The following ADGRB3 variants were observed in gnomAD, a reference collection of about 807,000 sequenced individuals.
ADGRB3 encodes brain-specific angiogenesis inhibitor 3.
A neutral mutation model predicts 193.4 loss-of-function variants in ADGRB3; 37 were observed. The ratio of observed to expected loss-of-function variants is 0.19; its 90% CI spans 0.15 to 0.25. The LOEUF (loss-of-function observed/expected upper bound fraction) is 0.25. ADGRB3 is among the 10% of genes least tolerant of loss of function. The pLI, the probability that ADGRB3 is intolerant of heterozygous loss-of-function variation, is 1.00. For missense variants in ADGRB3, 1,637 were observed against 1,852.9 expected (o/e 0.88, Z 2.14); for synonymous variants, 690 against 644.2 (o/e 1.07, Z -1.08).
chr6:68,809,595 A>C (rs566237730), intron 3 of ADGRB3, among the ~76,000 whole-genome samples: 51 of 152,210 alleles, frequency 3.4e-4, no homozygotes, highest in Non-Finnish European at 6.8e-4. Context: ...TAGTTTAAAT[A>C]AGATTTTTGT....
intron 17 of ADGRB3, among the ~76,000 whole-genome samples, chr6:69,105,626 C>A (rs1343708802): frequency 6.6e-6 from 1 of 152,146 alleles, no homozygotes; most frequent in Non-Finnish European, 1.5e-5. Context: ...CTTCTCAATA[C>A]TATTGCTTCA....
At chr6:68,739,477 G>A (rs191833576) in intron 3 of ADGRB3, among the ~76,000 whole-genome samples, 18 of 152,238 alleles carry the variant, frequency 1.2e-4, no homozygotes, top group Admixed American at 4.6e-4. Context: ...GGGGCCTGAT[G>A]CACAATTGGA....
chr6:68,719,669 C>T lies in ADGRB3; in HGVS notation c.757+80237C>T, dbSNP rs1356275688. Among the ~76,000 whole-genome samples the T allele has an allele frequency of 2.6e-5, 4 of 151,800 alleles. No homozygotes were observed. The East Asian group carries it at 7.8e-4, about 30-fold the overall frequency. The stretch of plus-strand genomic sequence containing the variant: ...GTTCCAAAAATTAGAAAAGCTCTTA[C>T]AGATACAATTTCTCTTCTCCTATTT... On this transcript the variant is annotated intron_variant, in intron 3 of 31. Transcript: ENST00000370598.
intron 12 of ADGRB3, among the ~76,000 whole-genome samples, chr6:69,015,247 A>T (rs1256779171): frequency 6.6e-6 from 1 of 152,022 alleles, no homozygotes; most frequent in Non-Finnish European, 1.5e-5. Flanking sequence ...CTAAAACAAG[A>T]CTGCAATTTA....
chr6:68,835,393 G>A (rs895771132), intron 3 of ADGRB3, among the ~76,000 whole-genome samples: 11 of 152,042 alleles, frequency 7.2e-5, no homozygotes, highest in Non-Finnish European at 1.3e-4. Context: ...TGCAAATGAT[G>A]TGTGCTGCTT....
intron 3 of ADGRB3, among the ~76,000 whole-genome samples, chr6:68,688,111 C>T (rs1317478902): frequency 6.6e-6 from 1 of 152,136 alleles, no homozygotes; most frequent in Non-Finnish European, 1.5e-5. Context: ...TACATCCAGG[C>T]ACTGTTTATA....
intron 3 of ADGRB3, among the ~76,000 whole-genome samples, chr6:68,899,260 C>A (rs1562077499): frequency 2.0e-5 from 3 of 152,080 alleles, no homozygotes; most frequent in Non-Finnish European, 2.9e-5. Context: ...GTTTTGACAG[C>A]TAGAACTATT....
At chr6:68,873,896 A>T (rs572605612) in intron 3 of ADGRB3, among the ~76,000 whole-genome samples, 1 of 152,098 alleles carries the variant, frequency 6.6e-6, no homozygotes, top group Admixed American at 6.5e-5. Flanking sequence ...TTTATAAAAA[A>T]ATTAGCATAT....
intron 3 of ADGRB3, among the ~76,000 whole-genome samples, chr6:68,708,784 CTGAAAA>C (rs1765365583): frequency 6.6e-6 from 1 of 152,048 alleles, no homozygotes; most frequent in Non-Finnish European, 1.5e-5. Flanking sequence ...AATAGTTTTA[CTGAAAA>C]TTAAGTGAAT....
chr6:68,847,577 T>C (rs192204773), intron 3 of ADGRB3, among the ~76,000 whole-genome samples: 2 of 152,288 alleles, frequency 1.3e-5, no homozygotes, highest in Admixed American at 6.5e-5. Flanking sequence ...CTTTTGCTTC[T>C]TCCTCTTTCT....
intron 3 of ADGRB3, among the ~76,000 whole-genome samples, chr6:68,796,856 A>G (rs970301727): frequency 1.3e-5 from 2 of 152,180 alleles, no homozygotes; most frequent in Non-Finnish European, 2.9e-5. Flanking sequence ...GAAAAAGACT[A>G]AAAGACTCAG....
chr6:68,844,634 G>T (rs9346252), intron 3 of ADGRB3, among the ~76,000 whole-genome samples: 32,646 of 151,984 alleles, frequency 0.21, 4,056 homozygotes, highest in East Asian at 0.58. Context: ...ATACCCAAAA[G>T]TAATCAGGAT....
At chr6:69,342,239 T>G (rs920389763) in intron 26 of ADGRB3, among the ~76,000 whole-genome samples, 2 of 152,176 alleles carry the variant, frequency 1.3e-5, no homozygotes, top group Non-Finnish European at 1.5e-5. Context: ...TCTCTGTTGT[T>G]GCATTTTCAA....
Position 68,639,509 on chromosome 6 carries a change from A to T in ADGRB3, c.757+77A>T. On this transcript the variant is annotated intron_variant, in intron 3 of 31. Coordinates refer to ENST00000370598, the MANE Select transcript of ADGRB3 (RefSeq NM_001704.3). Reference sequence around the variant, plus strand: ...GAGTTAAAACGTGCTGTTTCAACACACAGGCCTAATTATTTATCCTTTATT... The same window carrying T: ...GAGTTAAAACGTGCTGTTTCAACACTCAGGCCTAATTATTTATCCTTTATT... 3.5e-6 allele frequency: 5 copies of T among 1,415,248 alleles called. No individual in the cohort carries two copies. The East Asian group carries it at 1.2e-4, about 35-fold the overall frequency. The allele number at this position is 1,415,248 out of a possible 1,614,324, so 87.7% of individuals were successfully genotyped here. A position where few individuals can be genotyped will look rare whatever the true frequency, so the allele number is the denominator to read the frequency against.
intron 3 of ADGRB3, among the ~76,000 whole-genome samples, chr6:68,805,608 A>G (rs1036304351): frequency 6.6e-5 from 10 of 152,288 alleles, no homozygotes; most frequent in Non-Finnish European, 1.3e-4. Context: ...TCCAATATCT[A>G]CAGCTCTTGA....
chr6:68,738,987 G>A (rs1765926716), intron 3 of ADGRB3, among the ~76,000 whole-genome samples: 1 of 152,138 alleles, frequency 6.6e-6, no homozygotes, highest in South Asian at 2.1e-4. Context: ...GAACTGGTCA[G>A]TAAGGTAAAA....
At chr6:69,319,102 C>A (rs1768382616) in intron 20 of ADGRB3, among the ~76,000 whole-genome samples, 1 of 150,990 alleles carries the variant, frequency 6.6e-6, no homozygotes, top group Non-Finnish European at 1.5e-5. Flanking sequence ...CACTAATTTT[C>A]ATCTTTCTCT....
intron 10 of ADGRB3, among the ~76,000 whole-genome samples, chr6:68,988,444 T>G (rs1294721786): frequency 6.6e-6 from 1 of 151,984 alleles, no homozygotes; most frequent in Non-Finnish European, 1.5e-5. Context: ...TGGTGAGAAA[T>G]TTAGACAGAT....
intron 15 of ADGRB3, among the ~76,000 whole-genome samples, chr6:69,054,686 A>G (rs545195616): frequency 6.6e-6 from 1 of 152,270 alleles, no homozygotes; most frequent in African/African-American, 2.4e-5. Context: ...GTTTGGTCAG[A>G]TATTTTAAAA....
Sources: allele counts gnomAD v4.1 joint callset (sites outside exome capture counted in the v4.1 genomes callset), GRCh38; gene constraint gnomAD v4.1.1; transcripts MANE v1.5; gene names NCBI Gene and HGNC (gene_info 2026-07-23, HGNC 2026-07-21).